The following SLC25A48 variants were observed in gnomAD, a reference collection of about 807,000 sequenced individuals.
SLC25A48 encodes the protein CTC-321K16.1.
SLC25A48 carries 29 observed loss-of-function variants against 32.2 expected under a neutral mutation model. The ratio of observed to expected loss-of-function variants is 0.90; its 90% CI spans 0.67 to 1.23. The LOEUF (loss-of-function observed/expected upper bound fraction) is 1.23, where lower values mean the gene tolerates loss of function less well. SLC25A48 is among the 50% of genes most tolerant of loss of function. The pLI, the probability that SLC25A48 is intolerant of heterozygous loss-of-function variation, is 0.00. For synonymous variants in SLC25A48, 164 were observed against 172.3 expected, an observed-to-expected ratio of 0.95 and a Z score of 0.38; for missense variants, 399 against 422.7, an observed-to-expected ratio of 0.94 and a Z score of 0.49.
intron 7 of SLC25A48, among the ~76,000 whole-genome samples, chr5:135,885,451 C>T (rs527582446): frequency 7.9e-5 from 12 of 152,154 alleles, no homozygotes; most frequent in East Asian, 5.8e-4. Context: ...TCCCTGTTTT[C>T]GACCCAGCTC....
chr5:135,690,418 C>G (rs1754117902), intron 3 of SLC25A48, among the ~76,000 whole-genome samples: 1 of 152,076 alleles, frequency 6.6e-6, no homozygotes, highest in African/African-American at 2.4e-5. Flanking sequence ...CCAGAGGGGC[C>G]TTGAAGAACT....
At chr5:135,856,633 C>A (rs1250826755) in intron 4 of SLC25A48, among the ~76,000 whole-genome samples, 5 of 152,352 alleles carry the variant, frequency 3.3e-5, no homozygotes, top group African/African-American at 1.2e-4. Context: ...CGCAGGAAAA[C>A]AAATGGGGCC....
intron 3 of SLC25A48, among the ~76,000 whole-genome samples, chr5:135,664,509 C>G (rs6888728): frequency 0.72 from 109,549 of 152,046 alleles, 39,981 homozygotes; most frequent in Middle Eastern, 0.81. Flanking sequence ...GTTTAGCGGT[C>G]AAGTCAGATT....
chr5:135,874,623 C>T, intron 6 of SLC25A48: 1 of 685,166 alleles, frequency 1.5e-6, no homozygotes, highest in Non-Finnish European at 2.7e-6. Context: ...TCTGCTCTCC[C>T]ACCTGAGCCC....
At chr5:135,799,135 C>T (rs1047289878) in intron 3 of SLC25A48, among the ~76,000 whole-genome samples, 1 of 151,642 alleles carries the variant, frequency 6.6e-6, no homozygotes, top group Non-Finnish European at 1.5e-5. Context: ...GATTTTACTC[C>T]CAATATCGCA....
chr5:135,886,058 G>A lies in SLC25A48; in HGVS notation c.*8-1974G>A, dbSNP rs953610446. Among the ~76,000 whole-genome samples the A allele has an allele frequency of 5.3e-5, 8 of 152,154 alleles. No homozygotes were observed. The East Asian group carries it at 9.6e-4, about 18-fold the overall frequency. On this transcript the variant is annotated intron_variant, in intron 7 of 7. Coordinates refer to ENST00000681962, the MANE Select transcript of SLC25A48 (RefSeq NM_001349336.2). Reference sequence around the variant, plus strand: ...GGATTGGGAGAAGGCTTTCAGTTCCGAATTTGATGTTGGTGATTTCTTTGT... The same window carrying A: ...GGATTGGGAGAAGGCTTTCAGTTCCAAATTTGATGTTGGTGATTTCTTTGT...
intron 3 of SLC25A48, among the ~76,000 whole-genome samples, chr5:135,684,835 G>A (rs1753980136): frequency 6.6e-6 from 1 of 152,188 alleles, no homozygotes. Flanking sequence ...TACATAGTCA[G>A]TTTCCCATTG....
At chr5:135,765,390 G>A (rs1756186385) in intron 3 of SLC25A48, among the ~76,000 whole-genome samples, 1 of 151,068 alleles carries the variant, frequency 6.6e-6, no homozygotes, top group African/African-American at 2.4e-5. Flanking sequence ...TATCGCTGGT[G>A]GTGTACACCC....
At chr5:135,697,568 C>T (rs1754297571) in intron 3 of SLC25A48, among the ~76,000 whole-genome samples, 1 of 152,202 alleles carries the variant, frequency 6.6e-6, no homozygotes. Context: ...TGGACCCTGT[C>T]CTTCTGTGAG....
intron 3 of SLC25A48, among the ~76,000 whole-genome samples, chr5:135,722,710 C>G (rs1389952886): frequency 6.6e-6 from 1 of 152,218 alleles, no homozygotes; most frequent in African/African-American, 2.4e-5. Flanking sequence ...CAGTGTCAGG[C>G]CTGTAGTGAG....
chr5:135,683,837 C>G (rs1274698191), intron 3 of SLC25A48, among the ~76,000 whole-genome samples: 1 of 152,172 alleles, frequency 6.6e-6, no homozygotes, highest in Non-Finnish European at 1.5e-5. Context: ...AATCATTCCC[C>G]ATTCCCAGCT....
At chr5:135,683,427 G>A (rs896011304) in intron 3 of SLC25A48, among the ~76,000 whole-genome samples, 2 of 152,202 alleles carry the variant, frequency 1.3e-5, no homozygotes, top group Non-Finnish European at 2.9e-5. Flanking sequence ...TGCTGACTTA[G>A]CAATTCTTGA....
At chr5:135,693,462 C>A (rs1401728444) in intron 3 of SLC25A48, among the ~76,000 whole-genome samples, 1 of 152,228 alleles carries the variant, frequency 6.6e-6, no homozygotes, top group African/African-American at 2.4e-5. Flanking sequence ...GGCTCAGCTA[C>A]AAAGAAGAGG....
intron 3 of SLC25A48, among the ~76,000 whole-genome samples, chr5:135,702,401 G>A (rs1754414931): frequency 1.3e-5 from 2 of 152,212 alleles, no homozygotes; most frequent in Non-Finnish European, 2.9e-5. Context: ...TGGGAGTGAT[G>A]CGTCTATAAG....
At chr5:135,761,529 A>G (rs1756059969) in intron 3 of SLC25A48, among the ~76,000 whole-genome samples, 1 of 152,202 alleles carries the variant, frequency 6.6e-6, no homozygotes, top group African/African-American at 2.4e-5. Flanking sequence ...TTGTTACAAA[A>G]CCATAAAACT....
At chr5:135,824,708 C>T (rs1757983524) in intron 4 of SLC25A48, 1 of 152,274 alleles carries the variant, frequency 6.6e-6, no homozygotes. Context: ...AGAGTTTGCC[C>T]AGCCTGGCCC....
intron 3 of SLC25A48, among the ~76,000 whole-genome samples, chr5:135,754,071 T>C (rs1288781861): frequency 6.6e-6 from 1 of 151,652 alleles, no homozygotes; most frequent in Non-Finnish European, 1.5e-5. Context: ...TATCACAGGG[T>C]GTACACCCAC....
At chr5:135,872,609 T>A (rs560437200) in intron 5 of SLC25A48, 1 of 152,202 alleles carries the variant, frequency 6.6e-6, no homozygotes, top group African/African-American at 2.4e-5. Flanking sequence ...TATACACAAC[T>A]CTTCTGAGGG....
Position 135,801,297 on chromosome 5 carries a change from C to T in SLC25A48, c.-520-11226C>T, listed in dbSNP as rs145571949. Among the ~76,000 whole-genome samples the T allele has an allele frequency of 4.6e-5, 7 of 150,694 alleles. No homozygotes were observed. The East Asian group carries it at 9.9e-4, about 21-fold the overall frequency. On this transcript the variant is annotated intron_variant, in intron 3 of 10. Coordinates refer to the SLC25A48 transcript ENST00000646290. ...TAGGGAATGATATTACTTCCAATAT[C>T]GCAGGGGGTGTATACTCCCCTGTGA... is the stretch of plus-strand genomic sequence containing the variant.
Sources: allele counts gnomAD v4.1 joint callset (sites outside exome capture counted in the v4.1 genomes callset), GRCh38; gene constraint gnomAD v4.1.1; transcripts MANE v1.5; gene names NCBI Gene and HGNC (gene_info 2026-07-23, HGNC 2026-07-21).